The following PI4KA variants were observed in gnomAD, a reference collection of about 807,000 sequenced individuals.
The protein encoded by PI4KA is phosphatidylinositol 4-kinase alpha, also known as PI4-kinase alpha.
Under a neutral mutation model 271.4 loss-of-function variants are expected in PI4KA, and 122 were observed. The observed-to-expected ratio is 0.45, with a 90% CI of 0.39 to 0.52. The LOEUF (loss-of-function observed/expected upper bound fraction) is 0.52. PI4KA is among the 20% of genes least tolerant of loss of function. The pLI is 0.00. For missense variants in PI4KA, 1,969 were observed against 2,769.1 expected (o/e 0.71, Z 6.48); for synonymous variants, 1,041 against 1,078.8 (o/e 0.96, Z 0.69).
chr22:20,820,780 G>A (rs372085489), intron 4 of PI4KA, among the ~76,000 whole-genome samples, 169 bp from the exon 5 acceptor site: 38 of 152,266 alleles, frequency 2.5e-4, no homozygotes, highest in African/African-American at 8.4e-4. Flanking sequence ...GACTTTCCAG[G>A]GACAAAACCC....
At chr22:20,763,744 TAA>T (rs1872870693) in intron 22 of PI4KA, among the ~76,000 whole-genome samples, 4 of 152,094 alleles carry the variant, frequency 2.6e-5, no homozygotes, top group Admixed American at 2.6e-4. Flanking sequence ...CCAGCCAAAA[TAA>T]AAGACACTTA....
chr22:20,761,708 C>T (rs1931987776), intron 22 of PI4KA, among the ~76,000 whole-genome samples: 1 of 151,876 alleles, frequency 6.6e-6, no homozygotes, highest in Admixed American at 6.5e-5. Context: ...TAAGCCAAAG[C>T]ATACCCATTC....
intron 4 of PI4KA, among the ~76,000 whole-genome samples, chr22:20,821,256 T>C (rs567326311): frequency 2.6e-5 from 4 of 152,348 alleles, no homozygotes; most frequent in Non-Finnish European, 5.9e-5. Flanking sequence ...TTCGCTCTTG[T>C]TGCCCAGGCT....
intron 1 of PI4KA, among the ~76,000 whole-genome samples, chr22:20,848,819 G>C (rs1294151157): frequency 7.0e-6 from 1 of 143,168 alleles, no homozygotes; most frequent in African/African-American, 2.6e-5. Flanking sequence ...AGGGACAAAA[G>C]AAAAAAAAAA....
intron 47 of PI4KA, 136 bp from the exon 48 acceptor site, chr22:20,713,526 G>A (rs567234974): frequency 4.2e-5 from 28 of 673,090 alleles, no homozygotes; most frequent in Middle Eastern, 4.1e-4. Flanking sequence ...ACCCCAAGGA[G>A]GCCAAGGAGG....
chr22:20,806,622 A>G (rs1935667899), intron 10 of PI4KA, among the ~76,000 whole-genome samples: 1 of 151,912 alleles, frequency 6.6e-6, no homozygotes, highest in Non-Finnish European at 1.5e-5. Context: ...CAGTGACCCC[A>G]GATCATGCCA....
rs945187466 is a variant in PI4KA at position 20,824,538 on chromosome 22, C to T, written c.368-124G>A. The T allele has an allele frequency of 2.0e-5, 13 of 638,648 alleles. No individual in the cohort carries two copies. The African/African-American group carries it at 2.4e-4, about 12-fold the overall frequency. The allele number at this position is 638,648 out of a possible 1,614,324, so 39.6% of individuals were successfully genotyped here. A position where few individuals can be genotyped will look rare whatever the true frequency, so the allele number is the denominator to read the frequency against. On this transcript the variant is annotated intron_variant, in intron 3 of 54. Transcript: ENST00000255882. ...CCAAGGGACCAGTTTACAGCAGCTG[C>T]CCTCCTTGAGACGAGTCTCAAAAGA...
chr22:20,808,477 C>T (rs571847138), intron 9 of PI4KA, among the ~76,000 whole-genome samples: 2 of 122,540 alleles, frequency 1.6e-5, no homozygotes, highest in Admixed American at 1.7e-4. Flanking sequence ...CCTGTAATCC[C>T]AGCTACTAAG....
chr22:20,718,497 C>T (rs1326096285), intron 44 of PI4KA, among the ~76,000 whole-genome samples, 196 bp downstream of exon 44: 2 of 152,210 alleles, frequency 1.3e-5, no homozygotes, highest in African/African-American at 2.4e-5. Context: ...CTTCAAGAGC[C>T]CTGGCTCACC....
chr22:20,759,402 C>CTTTTTTTTTTTTTTTTTTTTTTTTTTTT (rs886192073), intron 23 of PI4KA, among the ~76,000 whole-genome samples: 8 of 102,900 alleles, frequency 7.8e-5, no homozygotes, highest in African/African-American at 1.5e-4. Context: ...CTTTTCTTTT[C>CTTTTTTTTTTTTTTTTTTTTTTTTTTTT]TTTTTTTTTT....
At chr22:20,808,368 G>A (rs1172362897) in intron 9 of PI4KA, among the ~76,000 whole-genome samples, 8 of 151,490 alleles carry the variant, frequency 5.3e-5, no homozygotes, top group South Asian at 2.1e-4. Flanking sequence ...GGTGGATCAC[G>A]AGATCAGGAG....
At chr22:20,720,446 G>A (rs905999887) in intron 43 of PI4KA, among the ~76,000 whole-genome samples, 37 of 152,222 alleles carry the variant, frequency 2.4e-4, no homozygotes, top group African/African-American at 8.9e-4. Flanking sequence ...CAGCTACTTG[G>A]GAGGATGAGG....
At chr22:20,731,257 C>T (rs941082477) in intron 36 of PI4KA, among the ~76,000 whole-genome samples, 3 of 152,182 alleles carry the variant, frequency 2.0e-5, no homozygotes, top group African/African-American at 4.8e-5. Flanking sequence ...ATCTGATCAC[C>T]GGCAACGTAT....
intron 47 of PI4KA, among the ~76,000 whole-genome samples, chr22:20,714,209 C>T (rs547314321): frequency 2.2e-4 from 33 of 151,820 alleles, no homozygotes; most frequent in Admixed American, 1.1e-3. Flanking sequence ...GGCCCCTCAG[C>T]CTCAGGAAGG....
intron 26 of PI4KA, 30 bp downstream of exon 26, chr22:20,751,644 T>C (rs773701737): frequency 5.0e-6 from 8 of 1,584,746 alleles, no homozygotes; most frequent in Admixed American, 3.3e-5. Flanking sequence ...CGGGTGGTGT[T>C]TGGGCCCTAG....
In PI4KA at chr22:20,721,249, A is replaced by C. The variant is rs5751800; in HGVS notation, c.5116+49T>G. ...CTGGGGGCTGTAGAAGGTGCTTGGC[A>C]GTGCACTGAAGACAGTAAGTGAGGC... On this transcript the variant is annotated intron_variant, in intron 43 of 54. Transcript: ENST00000255882. 592,963 of 1,603,598 alleles carry C rather than the reference A, an allele frequency of 0.37. 111,849 individuals carry two copies. Among genetic ancestry groups the C allele is most frequent in the Admixed American group, 0.48 (28,944 of 59,948 alleles).
At chr22:20,792,619 G>A (rs1007617026) in intron 19 of PI4KA, among the ~76,000 whole-genome samples, 3 of 152,194 alleles carry the variant, frequency 2.0e-5, no homozygotes, top group Non-Finnish European at 2.9e-5. Flanking sequence ...CGAAGAAAGG[G>A]AAAAACAACT....
At chr22:20,717,864 GCCCTCTCTGT>G in intron 44 of PI4KA, 86 bp from the exon 45 acceptor site, 1 of 939,612 alleles carries the variant, frequency 1.1e-6, no homozygotes, top group Non-Finnish European at 1.7e-6. Context: ...TGCCTGGATT[GCCCTCTCTGT>G]CCCTCTCTTC....
At chr22:20,782,489 T>G (rs1019383207) in intron 19 of PI4KA, among the ~76,000 whole-genome samples, 1 of 152,250 alleles carries the variant, frequency 6.6e-6, no homozygotes, top group Non-Finnish European at 1.5e-5. Flanking sequence ...TAATTTCATA[T>G]GGAATCATCT....
Sources: gnomAD v4.1 joint callset for allele counts (sites outside exome capture counted in the v4.1 genomes callset) on GRCh38, gnomAD v4.1.1 for gene constraint, MANE v1.5 for transcripts, NCBI Gene and HGNC (gene_info 2026-07-23, HGNC 2026-07-21) for gene names.